The following TMEM273 variants were observed in gnomAD, a reference collection of about 807,000 sequenced individuals.
TMEM273 encodes chromosome 10 open reading frame 128.
A neutral mutation model predicts 17.9 loss-of-function variants in TMEM273; 19 were observed. That is an observed-to-expected ratio of 1.06 (90% CI 0.74 to 1.55). TMEM273 has a LOEUF of 1.55. TMEM273 is among the 40% of genes most tolerant of loss of function. The pLI is 0.00. For synonymous variants in TMEM273, 66 were observed against 62.0 expected, an observed-to-expected ratio of 1.07 and a Z score of -0.31; for missense variants, 194 against 155.6, an observed-to-expected ratio of 1.25 and a Z score of -1.31.
At position 49,165,447 on chromosome 10, in the gene TMEM273, G is replaced by T. The variant is rs942736182; in HGVS notation, c.270-164C>A. The T allele has an allele frequency of 4.7e-6, 7 of 1,478,470 alleles. No homozygotes were observed. The Admixed American group carries it at 1.5e-4, about 32-fold the overall frequency. 91.6% of individuals were successfully genotyped at this position (1,478,470 alleles called of 1,614,324 possible). A position where few individuals can be genotyped will look rare whatever the true frequency, so the allele number is the denominator to read the frequency against. On this transcript the variant is annotated intron_variant, in intron 4 of 6. Coordinates refer to ENST00000374153, the MANE Select transcript of TMEM273 (RefSeq NM_001288740.3). Reference sequence around the variant, plus strand: ...CACGTGTGACCTCCCAAGTGACAGGGGCTGGAGGCCTCATTCTGAAAGTCA... The same window carrying T: ...CACGTGTGACCTCCCAAGTGACAGGTGCTGGAGGCCTCATTCTGAAAGTCA...
At chr10:49,184,453 T>C (rs540109610) in intron 1 of TMEM273, among the ~76,000 whole-genome samples, 7 of 152,044 alleles carry the variant, frequency 4.6e-5, no homozygotes, top group African/African-American at 1.4e-4. Flanking sequence ...AGACCAATAA[T>C]CAAATACAAC....
chr10:49,176,454 G>A (rs979376476), intron 1 of TMEM273, among the ~76,000 whole-genome samples: 1 of 152,122 alleles, frequency 6.6e-6, no homozygotes, highest in African/African-American at 2.4e-5. Context: ...GTTTGCAGGA[G>A]CAACTCTCAG....
At chr10:49,169,889 A>T (rs1439415297) in intron 1 of TMEM273, among the ~76,000 whole-genome samples, 1 of 152,156 alleles carries the variant, frequency 6.6e-6, no homozygotes, top group Non-Finnish European at 1.5e-5. Flanking sequence ...CCCTTTGCTG[A>T]CACCTCTGAT....
At chr10:49,167,147 T>C (rs968288208) in intron 2 of TMEM273, 138 bp from the exon 3 acceptor site, 17 of 1,173,118 alleles carry the variant, frequency 1.4e-5, no homozygotes, top group Middle Eastern at 2.9e-4. Context: ...CCTTCTACTC[T>C]CCCATGAGTC....
chr10:49,174,950 G>A (rs1444242375), intron 1 of TMEM273, among the ~76,000 whole-genome samples: 1 of 152,086 alleles, frequency 6.6e-6, no homozygotes, highest in Non-Finnish European at 1.5e-5. Context: ...CCAGCCAGGT[G>A]GGCCAAGGCG....
At chr10:49,167,474 T>C (rs375330489) in intron 2 of TMEM273, among the ~76,000 whole-genome samples, 90 of 152,260 alleles carry the variant, frequency 5.9e-4, no homozygotes, top group African/African-American at 2.1e-3. Context: ...AGAGGCTGGG[T>C]TGGCCTAGAG....
At chr10:49,165,539 G>A (rs533869096) in intron 4 of TMEM273, among the ~76,000 whole-genome samples, 2 of 152,326 alleles carry the variant, frequency 1.3e-5, no homozygotes, top group African/African-American at 2.4e-5. Flanking sequence ...GCAGAGGCGA[G>A]CCCTACTCCC....
In TMEM273 at chr10:49,166,964, GAT is replaced by G. The variant is rs1254979407; in HGVS notation, c.141_142del (p.Ser48CysfsTer17). On this transcript the variant is annotated frameshift_variant, in exon 3 of 7. Coordinates refer to ENST00000374153, the MANE Select transcript of TMEM273 (RefSeq NM_001288740.3). LOFTEE classifies it high-confidence loss of function. ...GATCTTCAGGGCCAGGAAGCCAGCA[GAT>G]ATGGCGACACCCACAGCAGTCCCGA... 1.2e-6 allele frequency: 2 copies of G among 1,614,174 alleles called. No individual in the cohort carries two copies. Among genetic ancestry groups the G allele is most frequent in the Non-Finnish European group, 1.7e-6 (2 of 1,180,016 alleles).
chr10:49,166,637 G>T, intron 3 of TMEM273: 1 of 570,640 alleles, frequency 1.8e-6, no homozygotes, highest in Non-Finnish European at 3.1e-6. Context: ...TGGAAAGGGA[G>T]ACAGAAAAAG....
Position 49,161,600 on chromosome 10 carries a change from T to C in TMEM273, c.371A>G (p.Lys124Arg). 1 of 1,614,248 alleles carries C rather than the reference T, an allele frequency of 6.2e-7. No homozygotes were observed. Among genetic ancestry groups the C allele is most frequent in the Non-Finnish European group, 8.5e-7 (1 of 1,180,032 alleles). The change falls in exon 6 of 7, where the codon AAG (lysine) becomes AGG (arginine). Residue 124 changes from lysine (K) to arginine (R), a missense_variant and splice_region_variant. Transcript: ENST00000374153. ...LFKAKPQFLQ[K>R]RCTGD ...CAAGTGATCACTCTTACAACTCACCTTTTGGAGAAATTGTGGTTTCGCCTG... is the reference window on the plus strand; with the variant it reads ...CAAGTGATCACTCTTACAACTCACCCTTTGGAGAAATTGTGGTTTCGCCTG...
intron 6 of TMEM273, among the ~76,000 whole-genome samples, chr10:49,159,558 T>C (rs1479464333): frequency 2.0e-5 from 3 of 152,214 alleles, no homozygotes; most frequent in East Asian, 1.9e-4. Flanking sequence ...TCTTATGATA[T>C]TGAGTGTGTA....
intron 6 of TMEM273, 199 bp from the exon 7 acceptor site, chr10:49,156,108 G>A: frequency 6.5e-7 from 1 of 1,541,058 alleles, no homozygotes. Flanking sequence ...AGCTCAACCT[G>A]GAAGTTGTTT....
chr10:49,188,246 G>A (rs753427117), intron 1 of TMEM273, 48 bp downstream of exon 1: 4 of 1,608,532 alleles, frequency 2.5e-6, no homozygotes, highest in Admixed American at 1.7e-5. Flanking sequence ...CCAGTTTCCT[G>A]CCCACTGAGG....
chr10:49,159,656 A>G (rs1845717865), intron 6 of TMEM273, among the ~76,000 whole-genome samples: 1 of 152,184 alleles, frequency 6.6e-6, no homozygotes, highest in African/African-American at 2.4e-5. Flanking sequence ...TTGTGCCCAG[A>G]TCTTAGTTTC....
chr10:49,159,633 C>G (rs1845716385), intron 6 of TMEM273, among the ~76,000 whole-genome samples: 1 of 152,048 alleles, frequency 6.6e-6, no homozygotes, highest in East Asian at 1.9e-4. Flanking sequence ...ACCTCAGTAG[C>G]CCTGAGCACA....
chr10:49,165,365 T>C, intron 4 of TMEM273, 82 bp from the exon 5 acceptor site: 2 of 1,546,922 alleles, frequency 1.3e-6, no homozygotes, highest in Non-Finnish European at 1.7e-6. Context: ...GTGGGCTCTG[T>C]GCAGAAGAGC....
intron 1 of TMEM273, among the ~76,000 whole-genome samples, chr10:49,187,152 G>A (rs1170017843): frequency 2.0e-5 from 3 of 152,062 alleles, no homozygotes; most frequent in East Asian, 3.9e-4. Context: ...CTTCCACCAC[G>A]TCTCTGGGCA....
intron 1 of TMEM273, among the ~76,000 whole-genome samples, chr10:49,180,806 A>G (rs1006872174): frequency 1.3e-5 from 2 of 152,240 alleles, no homozygotes; most frequent in Non-Finnish European, 2.9e-5. Flanking sequence ...ACCTACAGCT[A>G]TAACCAAACT....
chr10:49,178,269 T>C (rs1221529040), intron 1 of TMEM273: 1 of 457,326 alleles, frequency 2.2e-6, no homozygotes, highest in Admixed American at 2.3e-5. Context: ...CCTCTCTTCT[T>C]AGGATGGCAC....
Sources: gnomAD v4.1 joint callset for allele counts (sites outside exome capture counted in the v4.1 genomes callset) on GRCh38, gnomAD v4.1.1 for gene constraint, MANE v1.5 for transcripts, NCBI Gene and HGNC (gene_info 2026-07-23, HGNC 2026-07-21) for gene names.